The following BEAN1 variants were observed in gnomAD, a reference collection of about 807,000 sequenced individuals.
BEAN1 encodes protein BEAN1.
BEAN1 carries 17 observed loss-of-function variants against 17.7 expected under a neutral mutation model. That is an observed-to-expected ratio of 0.96 (90% CI 0.66 to 1.44). The LOEUF is 1.44. BEAN1 is among the 40% of genes most tolerant of loss of function. The probability of loss-of-function intolerance (pLI) is 0.00; values close to 1 mark genes in which losing one functional copy is unlikely to be tolerated. For synonymous variants in BEAN1, 142 were observed against 151.8 expected, an observed-to-expected ratio of 0.94 and a Z score of 0.47; for missense variants, 359 against 374.1, an observed-to-expected ratio of 0.96 and a Z score of 0.33.
intron 4 of BEAN1, among the ~76,000 whole-genome samples, chr16:66,479,877 C>G (rs927413123): frequency 4.6e-5 from 7 of 152,088 alleles, no homozygotes; most frequent in African/African-American, 1.7e-4. Context: ...CCCTCAGGGC[C>G]CTCAAGCAGC....
At chr16:66,490,430 A>AAAAT (rs1964156145) in intron 4 of BEAN1, among the ~76,000 whole-genome samples, 1 of 140,510 alleles carries the variant, frequency 7.1e-6, no homozygotes, top group African/African-American at 2.7e-5. Context: ...AAAATAAAAT[A>AAAAT]AAATAAAATA....
At chr16:66,447,003 C>A (rs1343080211) in intron 2 of BEAN1, among the ~76,000 whole-genome samples, 2 of 152,174 alleles carry the variant, frequency 1.3e-5, no homozygotes, top group South Asian at 4.1e-4. Flanking sequence ...GCTGTGGTGG[C>A]TCACACCTGT....
At chr16:66,482,988 C>T (rs1964031296), downstream of BEAN1, 1 of 440,556 alleles carries the variant, frequency 2.3e-6, no homozygotes. Flanking sequence ...TCCTAAGCAG[C>T]TGGGACTACA....
intron 1 of BEAN1, chr16:66,428,332 C>G (rs1961661963): frequency 6.6e-6 from 1 of 152,476 alleles, no homozygotes; most frequent in Non-Finnish European, 1.5e-5. Flanking sequence ...AGGGAGGGCG[C>G]AAGTAACTGG....
At chr16:66,467,402 G>A (rs750874425) in intron 2 of BEAN1, among the ~76,000 whole-genome samples, 79 of 152,252 alleles carry the variant, frequency 5.2e-4, no homozygotes, top group African/African-American at 1.7e-3. Flanking sequence ...ACCTCTTCAC[G>A]GGGCAGTAGG....
intron 2 of BEAN1, among the ~76,000 whole-genome samples, chr16:66,468,585 G>T (rs553541171): frequency 1.5e-3 from 227 of 152,326 alleles, no homozygotes; most frequent in African/African-American, 5.2e-3. Context: ...GCTTAGCTCT[G>T]CCGTGGAGTA....
chr16:66,439,972 C>A (rs1184918008), intron 2 of BEAN1, among the ~76,000 whole-genome samples: 1 of 152,146 alleles, frequency 6.6e-6, no homozygotes, highest in East Asian at 1.9e-4. Flanking sequence ...CCAAGAAGCA[C>A]CTGGTGTCCC....
At chr16:66,470,015 A>G in intron 3 of BEAN1, 150 bp downstream of exon 3, 1 of 1,086,266 alleles carries the variant, frequency 9.2e-7, no homozygotes, top group Non-Finnish European at 1.3e-6. Context: ...AAGAGCTCAC[A>G]GGCGCCCACC....
intron 1 of BEAN1, among the ~76,000 whole-genome samples, chr16:66,433,392 G>A (rs147371882): frequency 2.5e-4 from 38 of 152,266 alleles, no homozygotes; most frequent in East Asian, 2.1e-3. Context: ...GATTACAGGC[G>A]TGAGCCACTG....
chr16:66,480,826 C>G lies in BEAN1; in HGVS notation c.681C>G (p.Gly227=). The part of the protein sequence containing the change: ...EAVCGAGPPS[G]LLPLPGPDPG... ...TGTGCGGGGCTGGCCCCCCATCAGGCCTGCTGCCACTGCCGGGCCCAGACC... is the reference window on the plus strand; with the variant it reads ...TGTGCGGGGCTGGCCCCCCATCAGGGCTGCTGCCACTGCCGGGCCCAGACC... The change falls in exon 5 of 5, where the codon GGC becomes GGG. Residue 227 remains glycine (G), a synonymous_variant. Transcript: ENST00000536005. The G allele has an allele frequency of 1.3e-6, 2 of 1,535,644 alleles. No homozygotes were observed. Among genetic ancestry groups the G allele is most frequent in the Non-Finnish European group, 8.8e-7 (1 of 1,137,436 alleles).
At position 66,481,046 on chromosome 16, in the gene BEAN1, A is replaced by G; in HGVS notation, c.*121A>G. The G allele has an allele frequency of 1.5e-6, 1 of 679,452 alleles. No individual in the cohort carries two copies. The highest frequency in any genetic ancestry group is 3.7e-5 in the South Asian group (1 of 27,062). 42.1% of individuals were successfully genotyped at this position (679,452 alleles called of 1,614,324 possible). ...GACTCATAACACACACATAGACCAA[A>G]CTTGTATACACACAGACATCTACAC... On this transcript the variant is annotated 3_prime_UTR_variant, in exon 5 of 5. Coordinates refer to ENST00000536005, the MANE Select transcript of BEAN1 (RefSeq NM_001178020.3). This position sits in a 1 kb window ranked among gnomAD's most constrained non-coding sequence, Gnocchi z 4.1.
At chr16:66,470,296 A>C (rs1362849581) in intron 3 of BEAN1, among the ~76,000 whole-genome samples, 1 of 151,754 alleles carries the variant, frequency 6.6e-6, no homozygotes, top group African/African-American at 2.4e-5. Context: ...AGGAAAATGG[A>C]TGGGTGAGGA....
intron 2 of BEAN1, among the ~76,000 whole-genome samples, chr16:66,451,718 T>G (rs1317955611): frequency 6.6e-6 from 1 of 152,204 alleles, no homozygotes; most frequent in African/African-American, 2.4e-5. Context: ...GATGAGGCAA[T>G]AGAGGCTTAG....
At chr16:66,477,438 TGAGGA>T (rs1963792489) in intron 3 of BEAN1, 117 bp from the exon 4 acceptor site, 4 of 1,030,872 alleles carry the variant, frequency 3.9e-6, no homozygotes, top group Non-Finnish European at 5.3e-6. Flanking sequence ...CTGTGCTTGG[TGAGGA>T]GAGGAGTGGT....
At chr16:66,457,658 C>T (rs903150229) in intron 2 of BEAN1, among the ~76,000 whole-genome samples, 17 of 152,128 alleles carry the variant, frequency 1.1e-4, no homozygotes, top group African/African-American at 2.4e-4. Flanking sequence ...GTTCATCTTT[C>T]GAGACCCAGC....
chr16:66,438,856 G>A (rs1430645446), intron 2 of BEAN1, among the ~76,000 whole-genome samples: 1 of 152,144 alleles, frequency 6.6e-6, no homozygotes, highest in East Asian at 1.9e-4. Context: ...ATGCAGGACT[G>A]CCCTGTCCCT....
At chr16:66,459,493 G>T (rs1255564723) in intron 2 of BEAN1, among the ~76,000 whole-genome samples, 1 of 151,954 alleles carries the variant, frequency 6.6e-6, no homozygotes, top group Non-Finnish European at 1.5e-5. Flanking sequence ...CTAATTTTTT[G>T]TATTTTTAGT....
At chr16:66,446,784 AT>A (rs1264744118) in intron 2 of BEAN1, among the ~76,000 whole-genome samples, 1 of 152,132 alleles carries the variant, frequency 6.6e-6, no homozygotes, top group African/African-American at 2.4e-5. Context: ...AGCCAAGTGC[AT>A]TGGGGGAGGG....
Position 66,474,600 on chromosome 16 carries a change from G to A in BEAN1, c.290-2960G>A, listed in dbSNP as rs1567505088. On this transcript the variant is annotated intron_variant, in intron 3 of 4. Transcript: ENST00000536005. ...AGGGAGAGAGGGAGGGAGGGAGGGA[G>A]GGAGAGAGGGAGGGAGGAAGGGAGG... Among the ~76,000 whole-genome samples the A allele has an allele frequency of 2.2e-3, 50 of 22,386 alleles. 1 individual carries two copies. Among genetic ancestry groups the A allele is most frequent in the African/African-American group, 7.6e-3 (41 of 5,368 alleles). The allele number at this position is 22,386 out of a possible 152,430, so 14.7% of individuals were successfully genotyped here.
Sources: gnomAD v4.1 joint callset for allele counts (sites outside exome capture counted in the v4.1 genomes callset) on GRCh38, gnomAD v4.1.1 for gene constraint, Gnocchi (gnomAD v3.1) non-coding constraint, MANE v1.5 for transcripts, NCBI Gene and HGNC (gene_info 2026-07-23, HGNC 2026-07-21) for gene names.